Variants in PAQR5 observed in about 807,000 individuals in gnomAD.
PAQR5 encodes the protein progestin and adipoQ receptor family member 5.
PAQR5 carries 20 observed loss-of-function variants against 34.5 expected under a neutral mutation model. The ratio of observed to expected loss-of-function variants is 0.58; its 90% confidence interval spans 0.41 to 0.84. The LOEUF (loss-of-function observed/expected upper bound fraction) is 0.84. Among genes scored for constraint, PAQR5 ranks in the 40% least tolerant of loss-of-function variants. The pLI is 0.00. For synonymous variants in PAQR5, 131 were observed against 155.6 expected (o/e 0.84, Z 1.18); for missense variants, 378 against 412.7 (o/e 0.92, Z 0.73).
At chr15:69,335,796 GCTGTTGGA>G (rs947112889) in intron 1 of PAQR5, among the ~76,000 whole-genome samples, 2 of 152,044 alleles carry the variant, frequency 1.3e-5, no homozygotes, top group African/African-American at 4.8e-5. Flanking sequence ...AAACTGATCT[GCTGTTGGA>G]TGGAAATTTG....
rs1411844956 is a variant in PAQR5, at chr15:69,385,056, A to T, written c.385+174A>T. On this transcript the variant is annotated intron_variant, in intron 5 of 8. Coordinates refer to ENST00000395407, the MANE Select transcript of PAQR5 (RefSeq NM_017705.4). This position sits in a 1 kb window ranked among gnomAD's most constrained non-coding sequence, Gnocchi z 4.7. The stretch of plus-strand genomic sequence containing the variant: ...GTTTTATAAGAAACTGTCCATAAGC[A>T]TGCTGCTAAATATTTAGCCACTGGC... Among the ~76,000 whole-genome samples, 1 of 152,202 alleles carries T rather than the reference A, an allele frequency of 6.6e-6. No homozygotes were observed. The highest frequency in any genetic ancestry group is 1.5e-5 in the Non-Finnish European group (1 of 68,042).
intron 4 of PAQR5, among the ~76,000 whole-genome samples, chr15:69,383,405 C>T (rs9672389): frequency 2.1e-5 from 2 of 93,956 alleles, no homozygotes; most frequent in South Asian, 3.7e-4. Flanking sequence ...CTGTGTTCAT[C>T]GTGGAGGGTG....
At chr15:69,302,880 G>A (rs1010979137) in intron 1 of PAQR5, among the ~76,000 whole-genome samples, 3 of 152,194 alleles carry the variant, frequency 2.0e-5, no homozygotes, top group African/African-American at 7.2e-5. Context: ...CAGAGTAAGA[G>A]CTTTAGACCC....
chr15:69,332,027 G>C (rs1011447574), intron 1 of PAQR5, among the ~76,000 whole-genome samples: 4 of 152,126 alleles, frequency 2.6e-5, no homozygotes, highest in Admixed American at 6.5e-5. Flanking sequence ...CAGAAACCGG[G>C]TATGCCAGCA....
At chr15:69,343,065 T>C (rs2054682078) in intron 2 of PAQR5, among the ~76,000 whole-genome samples, 1 of 152,234 alleles carries the variant, frequency 6.6e-6, no homozygotes, top group African/African-American at 2.4e-5. Context: ...GAAATGCCTT[T>C]AACAAAATCC....
intron 3 of PAQR5, among the ~76,000 whole-genome samples, chr15:69,371,031 TTTC>T (rs1237388350): frequency 2.0e-5 from 3 of 152,236 alleles, no homozygotes; most frequent in Non-Finnish European, 4.4e-5. Flanking sequence ...ATTTATTTTA[TTTC>T]TTCATTTCAG....
intron 2 of PAQR5, among the ~76,000 whole-genome samples, chr15:69,358,500 G>C (rs1444049356): frequency 6.6e-6 from 1 of 152,124 alleles, no homozygotes; most frequent in Non-Finnish European, 1.5e-5. Context: ...AGCCTCTGGT[G>C]GAGTGGAGAG....
At chr15:69,372,736 T>G (rs1249866553) in intron 3 of PAQR5, among the ~76,000 whole-genome samples, 1 of 152,182 alleles carries the variant, frequency 6.6e-6, no homozygotes, top group East Asian at 1.9e-4. Context: ...AAGCGATGTT[T>G]TATGTTCTTT....
chr15:69,355,719 C>G (rs950846430), intron 2 of PAQR5, among the ~76,000 whole-genome samples: 2 of 152,074 alleles, frequency 1.3e-5, no homozygotes, highest in Admixed American at 6.6e-5. Flanking sequence ...TTGTGCCCGG[C>G]CTGTCCTATT....
intron 2 of PAQR5, among the ~76,000 whole-genome samples, chr15:69,346,437 C>T (rs1197611990): frequency 6.7e-6 from 1 of 149,066 alleles, no homozygotes; most frequent in Non-Finnish European, 1.5e-5. Context: ...TCCCAAGTAG[C>T]TGGGACCACA....
At chr15:69,383,129 C>T (rs942070137) in intron 4 of PAQR5, among the ~76,000 whole-genome samples, 3 of 152,156 alleles carry the variant, frequency 2.0e-5, no homozygotes, top group African/African-American at 7.2e-5. Flanking sequence ...CTTCCTAGCA[C>T]ATGGTATTTC....
At chr15:69,376,253 G>A (rs2055702332) in intron 3 of PAQR5, among the ~76,000 whole-genome samples, 1 of 152,200 alleles carries the variant, frequency 6.6e-6, no homozygotes, top group Admixed American at 6.5e-5. Flanking sequence ...ATGAGGCCAA[G>A]CTACGAAGTG....
rs1021585943 is a variant in PAQR5 at position 69,404,535 on chromosome 15, G to C, written c.*713G>C. On this transcript the variant is annotated 3_prime_UTR_variant, in exon 9 of 9. Coordinates refer to ENST00000395407, the MANE Select transcript of PAQR5 (RefSeq NM_017705.4). ...TGTGTTCTGTTATGTTCTGTTTTCT[G>C]GTTGCCAGTTTGATCTGCAAAGTAT... 2 of 159,256 alleles carry C rather than the reference G, an allele frequency of 1.3e-5. No individual in the cohort carries two copies. Among genetic ancestry groups the C allele is most frequent in the Non-Finnish European group, 1.4e-5 (1 of 73,136 alleles). 9.9% of individuals were successfully genotyped at this position (159,256 alleles called of 1,614,324 possible). A position where few individuals can be genotyped will look rare whatever the true frequency, so the allele number is the denominator to read the frequency against.
At position 69,339,168 on chromosome 15, in the gene PAQR5, A is replaced by ACCCCCCCCCC. The variant is rs111647955; in HGVS notation, c.-116+1668_-116+1669insCCCCCCCCCC. Among the ~76,000 whole-genome samples the ACCCCCCCCCC allele has an allele frequency of 6.0e-4, 80 of 133,970 alleles. 2 individuals carry two copies. Among genetic ancestry groups the ACCCCCCCCCC allele is most frequent in the Non-Finnish European group, 9.5e-4 (57 of 60,246 alleles). 87.9% of individuals were successfully genotyped at this position (133,970 alleles called of 152,430 possible). On this transcript the variant is annotated intron_variant, in intron 2 of 8. Coordinates refer to ENST00000395407, the MANE Select transcript of PAQR5 (RefSeq NM_017705.4). ...AGTCACCACTCCTGGCCCACTGGCT[A>ACCCCCCCCCC]CACCCCCCACCCCGCCACCAAGTTA... is the stretch of plus-strand genomic sequence containing the variant.
At chr15:69,305,042 G>A (rs944005847) in intron 1 of PAQR5, among the ~76,000 whole-genome samples, 1 of 152,152 alleles carries the variant, frequency 6.6e-6, no homozygotes, top group Admixed American at 6.5e-5. Flanking sequence ...TCTTCTGTAC[G>A]GCTTGGATTC....
At chr15:69,365,210 G>A (rs543652821) in intron 3 of PAQR5, among the ~76,000 whole-genome samples, 25 of 151,370 alleles carry the variant, frequency 1.7e-4, no homozygotes, top group Non-Finnish European at 2.5e-4. Context: ...AGGTTCAAGC[G>A]ATTCTCATGC....
chr15:69,306,675 T>A (rs887682372), intron 1 of PAQR5, among the ~76,000 whole-genome samples: 3 of 152,136 alleles, frequency 2.0e-5, no homozygotes, highest in Admixed American at 6.5e-5. Flanking sequence ...AGTGCTGGGA[T>A]TACAGGTGTG....
intron 8 of PAQR5, among the ~76,000 whole-genome samples, chr15:69,401,970 G>C (rs1169643601): frequency 6.6e-6 from 1 of 152,206 alleles, no homozygotes; most frequent in Non-Finnish European, 1.5e-5. Flanking sequence ...CTGGGTTCAA[G>C]CACTCCTCCT....
intron 1 of PAQR5, among the ~76,000 whole-genome samples, chr15:69,316,831 T>C (rs2053963055): frequency 6.6e-6 from 1 of 152,144 alleles, no homozygotes; most frequent in African/African-American, 2.4e-5. Flanking sequence ...TATTTATTTA[T>C]TTATTTTGAG....
Sources: gnomAD v4.1 joint callset for allele counts (sites outside exome capture counted in the v4.1 genomes callset) on GRCh38, gnomAD v4.1.1 for gene constraint, Gnocchi (gnomAD v3.1) non-coding constraint, MANE v1.5 for transcripts, NCBI Gene and HGNC (gene_info 2026-07-23, HGNC 2026-07-21) for gene names.